KCND2: variants seen among roughly 807,000 people sequenced by gnomAD.
The protein encoded by KCND2 is A-type voltage-gated potassium channel KCND2.
KCND2 carries 16 observed loss-of-function variants against 54.4 expected under a neutral mutation model. The observed-to-expected ratio is 0.29, with a 90% CI of 0.20 to 0.45. The LOEUF is 0.45. Ranked by LOEUF, KCND2 falls within the 20% of genes least tolerant of loss-of-function variation. KCND2 has a pLI of 1.00. For synonymous variants in KCND2, 317 were observed against 310.7 expected, an observed-to-expected ratio of 1.02 and a Z score of -0.21; for missense variants, 486 against 824.2, an observed-to-expected ratio of 0.59 and a Z score of 5.02.
chr7:120,631,217 C>G (rs1793229819), intron 1 of KCND2, among the ~76,000 whole-genome samples: 1 of 151,916 alleles, frequency 6.6e-6, no homozygotes, highest in African/African-American at 2.4e-5. Flanking sequence ...GAGTCATTAT[C>G]AATCCAAATA....
intron 1 of KCND2, among the ~76,000 whole-genome samples, chr7:120,314,197 TG>T (rs1424448669): frequency 1.3e-5 from 2 of 152,114 alleles, no homozygotes; most frequent in Non-Finnish European, 2.9e-5. Context: ...TATTTCTTTT[TG>T]AAATTACTTT....
chr7:120,699,148 G>A (rs1397752389), intron 1 of KCND2, among the ~76,000 whole-genome samples: 1 of 152,016 alleles, frequency 6.6e-6, no homozygotes, highest in Non-Finnish European at 1.5e-5. Flanking sequence ...CGGGTGTGGT[G>A]GCGGGTACCT....
chr7:120,478,469 A>C (rs1393104363), intron 1 of KCND2, among the ~76,000 whole-genome samples: 1 of 152,126 alleles, frequency 6.6e-6, no homozygotes, highest in Non-Finnish European at 1.5e-5. Context: ...GGAACCAAGC[A>C]CTGCTAGTAT....
chr7:120,651,952 C>T (rs1022854329), intron 1 of KCND2, among the ~76,000 whole-genome samples: 2 of 152,156 alleles, frequency 1.3e-5, no homozygotes, highest in East Asian at 1.9e-4. Flanking sequence ...TAAAAATATG[C>T]CTCAATCCAG....
chr7:120,636,759 T>G (rs1584864023), intron 1 of KCND2, among the ~76,000 whole-genome samples: 1 of 152,140 alleles, frequency 6.6e-6, no homozygotes, highest in African/African-American at 2.4e-5. Flanking sequence ...GAAAGAACAT[T>G]AATTAGGTCA....
intron 1 of KCND2, among the ~76,000 whole-genome samples, chr7:120,679,262 A>G (rs1053388027): frequency 6.6e-6 from 1 of 151,796 alleles, no homozygotes; most frequent in East Asian, 1.9e-4. Context: ...TTCTGCTTCT[A>G]TATGCTATTT....
At chr7:120,480,214 T>C (rs1450505810) in intron 1 of KCND2, among the ~76,000 whole-genome samples, 1 of 152,074 alleles carries the variant, frequency 6.6e-6, no homozygotes, top group Non-Finnish European at 1.5e-5. Flanking sequence ...TTCTGATAAT[T>C]CTCAATATGA....
chr7:120,687,626 G>A (rs926664075), intron 1 of KCND2, among the ~76,000 whole-genome samples: 2 of 151,644 alleles, frequency 1.3e-5, no homozygotes, highest in East Asian at 1.9e-4. Flanking sequence ...GACCAGCCTG[G>A]GGAACATAGT....
At chr7:120,353,979 T>C (rs1162080381) in intron 1 of KCND2, among the ~76,000 whole-genome samples, 1 of 152,144 alleles carries the variant, frequency 6.6e-6, no homozygotes, top group Admixed American at 6.5e-5. Flanking sequence ...AATCTCAACC[T>C]TTGAGATTTT....
intron 1 of KCND2, among the ~76,000 whole-genome samples, chr7:120,491,371 G>A (rs897105280): frequency 6.6e-6 from 1 of 152,114 alleles, no homozygotes; most frequent in African/African-American, 2.4e-5. Context: ...TAGTGGATAT[G>A]TATGATTATA....
intron 1 of KCND2, among the ~76,000 whole-genome samples, chr7:120,708,884 G>A (rs1200786602): frequency 6.6e-6 from 1 of 152,014 alleles, no homozygotes; most frequent in African/African-American, 2.4e-5. Flanking sequence ...CTCCATAAGG[G>A]TAGAGAGTCC....
intron 1 of KCND2, among the ~76,000 whole-genome samples, chr7:120,623,862 A>G (rs1793133155): frequency 6.6e-6 from 1 of 152,026 alleles, no homozygotes; most frequent in African/African-American, 2.4e-5. Context: ...GTGTAGAAGA[A>G]TTTGAGCCAA....
At chr7:120,645,993 C>T (rs1793437862) in intron 1 of KCND2, among the ~76,000 whole-genome samples, 1 of 152,212 alleles carries the variant, frequency 6.6e-6, no homozygotes, top group African/African-American at 2.4e-5. Context: ...ATTTAAGCAT[C>T]CACTACCAAG....
chr7:120,289,746 C>A (rs1799407219), intron 1 of KCND2, among the ~76,000 whole-genome samples: 1 of 152,040 alleles, frequency 6.6e-6, no homozygotes, highest in Non-Finnish European at 1.5e-5. Context: ...ACCACACACA[C>A]CATGCTTGGA....
At chr7:120,505,338 A>G (rs1802997792) in intron 1 of KCND2, among the ~76,000 whole-genome samples, 1 of 151,354 alleles carries the variant, frequency 6.6e-6, no homozygotes, top group Non-Finnish European at 1.5e-5. Context: ...AGTACGAAGG[A>G]AAAAAAACAA....
intron 1 of KCND2, among the ~76,000 whole-genome samples, chr7:120,464,409 G>A (rs556277109): frequency 5.3e-5 from 8 of 152,212 alleles, no homozygotes; most frequent in South Asian, 2.1e-4. Flanking sequence ...TGTAGAAGTC[G>A]TAATAGCTCT....
At chr7:120,680,961 T>C (rs1352165710) in intron 1 of KCND2, among the ~76,000 whole-genome samples, 2 of 152,118 alleles carry the variant, frequency 1.3e-5, no homozygotes, top group Non-Finnish European at 2.9e-5. Context: ...CATGCTAACA[T>C]AATACTTACA....
At chr7:120,292,697 A>T (rs1314749990) in intron 1 of KCND2, among the ~76,000 whole-genome samples, 1 of 151,920 alleles carries the variant, frequency 6.6e-6, no homozygotes, top group African/African-American at 2.4e-5. Flanking sequence ...GCTGAAATGT[A>T]CACCTTCTAC....
intron 1 of KCND2, among the ~76,000 whole-genome samples, chr7:120,709,752 C>A (rs747771586): frequency 3.4e-4 from 51 of 152,154 alleles, no homozygotes; most frequent in Non-Finnish European, 6.6e-4. Flanking sequence ...TCAGCTCCCC[C>A]ACTTACTCCA....
Sources: gnomAD v4.1 joint callset for allele counts (sites outside exome capture counted in the v4.1 genomes callset) on GRCh38, gnomAD v4.1.1 for gene constraint, MANE v1.5 for transcripts, NCBI Gene and HGNC (gene_info 2026-07-23, HGNC 2026-07-21) for gene names.